Variants in ABCA1 observed in about 807,000 individuals in gnomAD.
The protein encoded by ABCA1 is phospholipid-transporting ATPase ABCA1.
Under a neutral mutation model 262.5 loss-of-function variants are expected in ABCA1, and 133 were observed. The observed-to-expected ratio is 0.51, with a 90% confidence interval of 0.44 to 0.59. The LOEUF is 0.59. Ranked by LOEUF, ABCA1 falls within the 20% of genes least tolerant of loss-of-function variation. ABCA1 has a pLI of 0.00. For synonymous variants in ABCA1, 1,022 were observed against 1,043.5 expected, an observed-to-expected ratio of 0.98 and a Z score of 0.40; for missense variants, 2,452 against 2,777.5, an observed-to-expected ratio of 0.88 and a Z score of 2.63.
At chr9:104,893,925 G>A (rs933433511) in intron 2 of ABCA1, among the ~76,000 whole-genome samples, 1 of 152,136 alleles carries the variant, frequency 6.6e-6, no homozygotes, top group Non-Finnish European at 1.5e-5. Flanking sequence ...CCAATATTGG[G>A]CAGCTACTGT....
At chr9:104,828,871 A>G (rs936789370) in intron 15 of ABCA1, 45 bp downstream of exon 15, 2 of 1,596,350 alleles carry the variant, frequency 1.3e-6, no homozygotes, top group South Asian at 1.1e-5. Context: ...GTGTTGAGCT[A>G]TTTCGGAGTT....
At chr9:104,852,275 C>T (rs1835440858) in intron 7 of ABCA1, among the ~76,000 whole-genome samples, 1 of 152,170 alleles carries the variant, frequency 6.6e-6, no homozygotes, top group African/African-American at 2.4e-5. Flanking sequence ...CTATCTCTTT[C>T]TGGTGATTTC....
At chr9:104,809,674 G>A (rs1831095901) in intron 29 of ABCA1, 110 bp from the exon 30 acceptor site, 6 of 1,001,194 alleles carry the variant, frequency 6.0e-6, no homozygotes, top group Non-Finnish European at 9.2e-6. Flanking sequence ...TCTGTGACAG[G>A]CTCTTAAAAC....
At chr9:104,844,517 C>T (rs1834685912) in intron 8 of ABCA1, among the ~76,000 whole-genome samples, 1 of 152,098 alleles carries the variant, frequency 6.6e-6, no homozygotes, top group East Asian at 1.9e-4. Flanking sequence ...AAGTCTTCAG[C>T]ATTTTCCACA....
intron 1 of ABCA1, among the ~76,000 whole-genome samples, chr9:104,909,899 G>A (rs1005534669): frequency 2.6e-5 from 4 of 152,172 alleles, no homozygotes; most frequent in Admixed American, 6.5e-5. Flanking sequence ...ACTCCTTCCC[G>A]TGACTGCCCT....
chr9:104,848,165 G>T (rs896376420), intron 7 of ABCA1, among the ~76,000 whole-genome samples: 1 of 152,180 alleles, frequency 6.6e-6, no homozygotes, highest in Non-Finnish European at 1.5e-5. Context: ...TTATCCAAAA[G>T]AAGTGACTTA....
chr9:104,879,100 G>GAAAAC (rs908834272), intron 5 of ABCA1, among the ~76,000 whole-genome samples: 1 of 151,510 alleles, frequency 6.6e-6, no homozygotes, highest in African/African-American at 2.4e-5. Context: ...GAAAAGAAAA[G>GAAAAC]AAAAAGGAAA....
intron 14 of ABCA1, among the ~76,000 whole-genome samples, chr9:104,829,568 G>A (rs1588328598): frequency 6.6e-6 from 1 of 152,150 alleles, no homozygotes; most frequent in East Asian, 1.9e-4. Context: ...CAATGTTTCA[G>A]ATTCCAAGCT....
intron 19 of ABCA1, 96 bp from the exon 20 acceptor site, chr9:104,821,602 C>A: frequency 7.1e-7 from 1 of 1,402,388 alleles, no homozygotes; most frequent in South Asian, 1.2e-5. Flanking sequence ...AACACCAACC[C>A]TCCCACCGCC....
chr9:104,842,231 T>C (rs1351951653), intron 8 of ABCA1, among the ~76,000 whole-genome samples: 1 of 152,108 alleles, frequency 6.6e-6, no homozygotes, highest in African/African-American at 2.4e-5. Context: ...AAGAACACAA[T>C]TAGGTGAGGT....
chr9:104,821,549 A>G (rs766458180), intron 19 of ABCA1, 43 bp from the exon 20 acceptor site: 21 of 1,611,210 alleles, frequency 1.3e-5, no homozygotes, highest in Non-Finnish European at 1.5e-5. Flanking sequence ...GGGTTGACCT[A>G]CCCTTAACTC....
intron 39 of ABCA1, among the ~76,000 whole-genome samples, chr9:104,795,373 C>T (rs917030856): frequency 7.9e-5 from 12 of 152,266 alleles, no homozygotes; most frequent in African/African-American, 2.2e-4. Context: ...CAATGACAAC[C>T]GGAATGGAGA....
At chr9:104,794,577 G>T in intron 39 of ABCA1, 67 bp from the exon 40 acceptor site, 1 of 1,557,894 alleles carries the variant, frequency 6.4e-7, no homozygotes, top group East Asian at 2.3e-5. Flanking sequence ...GTCATTCATG[G>T]TTTATCCTAA....
At chr9:104,801,200 C>A (rs1374280864) in intron 34 of ABCA1, among the ~76,000 whole-genome samples, 1 of 151,924 alleles carries the variant, frequency 6.6e-6, no homozygotes, top group Non-Finnish European at 1.5e-5. Context: ...TACCAACTGA[C>A]CAAATTTGTA....
chr9:104,853,440 C>G, intron 7 of ABCA1, among the ~76,000 whole-genome samples: 1 of 152,156 alleles, frequency 6.6e-6, no homozygotes, highest in East Asian at 1.9e-4. Flanking sequence ...GAAACTGGAA[C>G]GAGGACAGCT....
At chr9:104,798,049 T>C (rs768923886) in intron 37 of ABCA1, among the ~76,000 whole-genome samples, 41 of 152,190 alleles carry the variant, frequency 2.7e-4, no homozygotes, top group Admixed American at 7.2e-4. Flanking sequence ...ACAGATGGCT[T>C]TCCTAGTAAG....
intron 42 of ABCA1, among the ~76,000 whole-genome samples, chr9:104,792,348 G>T (rs1225329166): frequency 6.6e-6 from 1 of 151,994 alleles, no homozygotes; most frequent in Admixed American, 6.6e-5. Context: ...TAAAAATATT[G>T]CAAATACTGT....
At chr9:104,871,507 G>A (rs933676918) in intron 5 of ABCA1, among the ~76,000 whole-genome samples, 6 of 152,284 alleles carry the variant, frequency 3.9e-5, no homozygotes, top group Admixed American at 6.5e-5. Flanking sequence ...TGGCCAGGGC[G>A]TGGAAGGGCA....
intron 11 of ABCA1, 115 bp from the exon 12 acceptor site, chr9:104,832,886 C>A: frequency 1.0e-6 from 1 of 962,452 alleles, no homozygotes; most frequent in Admixed American, 1.9e-5. Flanking sequence ...TCACAGAAAA[C>A]TGAGGTAAAT....
Sources: gnomAD v4.1 joint callset for allele counts (sites outside exome capture counted in the v4.1 genomes callset) on GRCh38, gnomAD v4.1.1 for gene constraint, MANE v1.5 for transcripts, NCBI Gene and HGNC (gene_info 2026-07-23, HGNC 2026-07-21) for gene names.